The following SLC16A8 variants were observed in gnomAD, a reference collection of about 807,000 sequenced individuals.
The protein encoded by SLC16A8 is monocarboxylate transporter 3.
In SLC16A8, 20 loss-of-function variants were observed where a neutral mutation model predicts 22.4. The observed-to-expected ratio is 0.89, with a 90% CI of 0.63 to 1.30. SLC16A8 has a LOEUF of 1.30. Among genes scored for constraint, SLC16A8 ranks in the 50% most tolerant of loss-of-function variants. The pLI is 0.00. For missense variants in SLC16A8, 817 were observed against 740.3 expected (o/e 1.10, Z -1.20); for synonymous variants, 393 against 358.8 (o/e 1.10, Z -1.08).
Position 38,082,064 on chromosome 22 carries a change from C to T in SLC16A8, c.215-32G>A, listed in dbSNP as rs200222945. ...GCAGGGCAGGGTCACCACCCGGGTCCCGGGATGGCTTGAGTCCTCTAAGGA... is the reference window on the plus strand; with the variant it reads ...GCAGGGCAGGGTCACCACCCGGGTCTCGGGATGGCTTGAGTCCTCTAAGGA... On this transcript the variant is annotated intron_variant, in intron 3 of 5. Transcript: ENST00000681075. 82 of 1,552,502 alleles carry T rather than the reference C, an allele frequency of 5.3e-5. No homozygotes were observed. The African/African-American group carries it at 8.2e-4, about 15-fold the overall frequency.
Position 38,081,269 on chromosome 22 carries a change from C to G in SLC16A8, c.769G>C (p.Ala257Pro). The G allele has an allele frequency of 6.3e-7, 1 of 1,582,068 alleles. No individual in the cohort carries two copies. The highest frequency in any genetic ancestry group is 1.1e-5 in the South Asian group (1 of 87,052). Residue 257 changes from alanine (A) to proline (P), a missense_variant, in exon 5 of 6, where the codon GCC (alanine) becomes CCC (proline). Coordinates refer to ENST00000681075, the MANE Select transcript of SLC16A8 (RefSeq NM_013356.3). ...AGCGCCATCAGGAACTTGGTGACGG[C>G]GTACACGGCGAAGGCGCGGTCGGTG... ...VCTDRAFAVY[A>P]VTKFLMALGL...
chr22:38,080,942 C>G lies in SLC16A8; in HGVS notation c.1096G>C (p.Glu366Gln). ...SYGMVGALQF[E>Q]VLMAAVGAPR... ...GCGCCCACAGCCGCCATGAGCACCTCGAACTGCAGCGCGCCCACCATGCCG... is the reference window on the plus strand; with the variant it reads ...GCGCCCACAGCCGCCATGAGCACCTGGAACTGCAGCGCGCCCACCATGCCG... The change falls in exon 5 of 6, where the codon GAG becomes CAG. Residue 366 changes from glutamate (E) to glutamine (Q), a missense_variant. Coordinates refer to ENST00000681075, the MANE Select transcript of SLC16A8 (RefSeq NM_013356.3). 6.3e-7 allele frequency: 1 copy of G among 1,586,818 alleles called. No homozygotes were observed. The highest frequency in any genetic ancestry group is 8.5e-7 in the Non-Finnish European group (1 of 1,172,486).
chr22:38,081,466 C>A lies in SLC16A8; in HGVS notation c.572G>T (p.Gly191Val). The change falls in exon 5 of 6, where the codon GGG becomes GTG. Residue 191 changes from glycine to valine, a missense_variant. By Grantham distance (109) the Gly-to-Val change is moderately radical. Coordinates refer to ENST00000681075, the MANE Select transcript of SLC16A8 (RefSeq NM_013356.3). The stretch of plus-strand genomic sequence containing the variant: ...CCCGGGCGGCGGCCTCATGACAGCC[C>A]CGCAGGCGCAGCAGTGCAGCAGGAG... ...GGLLLHCCAC[G>V]AVMRPPPGPG... The A allele has an allele frequency of 7.5e-7, 1 of 1,332,110 alleles. No homozygotes were observed. Among genetic ancestry groups the A allele is most frequent in the South Asian group, 2.0e-5 (1 of 48,792 alleles). The allele number at this position is 1,332,110 out of a possible 1,614,324, so 82.5% of individuals were successfully genotyped here.
intron 5 of SLC16A8, 27 bp from the exon 6 acceptor site, chr22:38,078,731 G>C (rs746168595): frequency 5.7e-6 from 9 of 1,591,642 alleles, no homozygotes; most frequent in Non-Finnish European, 6.9e-6. Flanking sequence ...AGAGGAGGGA[G>C]AGGTAAGGTC....
rs1442767675 is a variant in SLC16A8, at chr22:38,081,881, G to A, written c.358+8C>T. 1 of 1,592,522 alleles carries A rather than the reference G, an allele frequency of 6.3e-7. No individual in the cohort carries two copies. The highest frequency in any genetic ancestry group is 8.5e-7 in the Non-Finnish European group (1 of 1,169,998). Reference sequence around the variant, plus strand: ...AACCCAGCGGAGAGGAGACCAGGGGGCCCTCACCTGTGAGCACCCCAGCGG... The same window carrying A: ...AACCCAGCGGAGAGGAGACCAGGGGACCCTCACCTGTGAGCACCCCAGCGG... On this transcript the variant is annotated splice_region_variant and intron_variant, in intron 4 of 5. Coordinates refer to ENST00000681075, the MANE Select transcript of SLC16A8 (RefSeq NM_013356.3).
chr22:38,082,854 C>CGG lies in SLC16A8; in HGVS notation c.18_19dup (p.Arg7ProfsTer34). On this transcript the variant is annotated frameshift_variant, in exon 3 of 6. Transcript: ENST00000681075. LOFTEE classifies it high-confidence loss of function. ...GCCGTCTGGGGGGCCCTCGCCCCGCCGGGGGCCGCCAGCGCCCATCGCTGC... is the reference window on the plus strand; with the variant it reads ...GCCGTCTGGGGGGCCCTCGCCCCGCCGGGGGGGCCGCCAGCGCCCATCGCTGC... The CGG allele has an allele frequency of 1.3e-6, 2 of 1,551,404 alleles. No homozygotes were observed. The highest frequency in any genetic ancestry group is 8.7e-7 in the Non-Finnish European group (1 of 1,153,190).
intron 5 of SLC16A8, 22 bp downstream of exon 5, chr22:38,080,818 C>G (rs1194508857): frequency 6.8e-7 from 1 of 1,469,350 alleles, no homozygotes; most frequent in Admixed American, 2.5e-5. Flanking sequence ...GGCTCGCCAC[C>G]CCCTCTTCCT....
chr22:38,078,743 T>C (rs919511239), intron 5 of SLC16A8, 39 bp from the exon 6 acceptor site: 5 of 1,563,672 alleles, frequency 3.2e-6, no homozygotes, highest in African/African-American at 1.3e-5. Flanking sequence ...GGTAAGGTCC[T>C]GTGGGGTCCT....
chr22:38,081,938 G>C lies in SLC16A8; in HGVS notation c.309C>G (p.Ser103=). ...LLASAGMILA[S]FATRLLELYL... ...AGAGCTCCAGGAGGCGCGTGGCAAA[G>C]GAAGCTAGGATCATGCCCGCGGAAG... is the stretch of plus-strand genomic sequence containing the variant. The change falls in exon 4 of 6, where the codon TCC becomes TCG. Residue 103 remains serine (S), a synonymous_variant. Transcript: ENST00000681075. 4 of 1,573,614 alleles carry C rather than the reference G, an allele frequency of 2.5e-6. No homozygotes were observed. The highest frequency in any genetic ancestry group is 3.4e-6 in the Non-Finnish European group (4 of 1,159,622).
chr22:38,082,632 AGGCGGAGGGCCG>A lies in SLC16A8; in HGVS notation c.214+16_214+27del. The stretch of plus-strand genomic sequence containing the variant: ...GTTCCGGATCCCAGGGGTCCCGGGG[AGGCGGAGGGCCG>A]GGCGGGGACACTGACCCGTGCCGTA... On this transcript the variant is annotated intron_variant, in intron 3 of 5. Transcript: ENST00000681075. 6.6e-7 allele frequency: 1 copy of A among 1,519,508 alleles called. No homozygotes were observed. Among genetic ancestry groups the A allele is most frequent in the Non-Finnish European group, 8.9e-7 (1 of 1,128,720 alleles). The allele number at this position is 1,519,508 out of a possible 1,614,324, so 94.1% of individuals were successfully genotyped here. A position where few individuals can be genotyped will look rare whatever the true frequency, so the allele number is the denominator to read the frequency against.
rs779137755 is a variant in SLC16A8 at position 38,078,708 on chromosome 22, G to A, written c.1199-4C>T. ...TTCAACACATCCACCAGGCGGCCTG[G>A]GGAGGAGGAGGAAGAGGAGGGAGAG... On this transcript the variant is annotated splice_polypyrimidine_tract_variant and splice_region_variant and intron_variant, in intron 5 of 5. Transcript: ENST00000681075. 6.3e-7 allele frequency: 1 copy of A among 1,599,960 alleles called. No homozygotes were observed. Among genetic ancestry groups the A allele is most frequent in the South Asian group, 1.1e-5 (1 of 90,756 alleles).
At position 38,081,498 on chromosome 22, in the gene SLC16A8, G is replaced by A. The variant is rs896195891; in HGVS notation, c.540C>T (p.Leu180=). The A allele has an allele frequency of 4.3e-6, 6 of 1,406,262 alleles. No individual in the cohort carries two copies. The highest frequency in any genetic ancestry group is 1.5e-5 in the African/African-American group (1 of 65,760). 87.1% of individuals were successfully genotyped at this position (1,406,262 alleles called of 1,614,324 possible). Residue 180 remains leucine, a synonymous_variant, in exon 5 of 6, where the codon CTC becomes CTT. Coordinates refer to ENST00000681075, the MANE Select transcript of SLC16A8 (RefSeq NM_013356.3). ...RFGWRGGFLL[L]GGLLLHCCAC... The stretch of plus-strand genomic sequence containing the variant: ...CGCAGCAGTGCAGCAGGAGCCCGCC[G>A]AGCAGCAGGAAGCCGCCGCGCCAGC...
At chr22:38,082,907 G>T in intron 2 of SLC16A8, 26 bp from the exon 3 acceptor site, 1 of 1,302,776 alleles carries the variant, frequency 7.7e-7, no homozygotes, top group Non-Finnish European at 1.1e-6. Context: ...GGGGACAAGA[G>T]GGAGGGGCTG....
intron 1 of SLC16A8, among the ~76,000 whole-genome samples, chr22:38,083,737 A>C (rs2085956670): frequency 8.6e-6 from 1 of 115,732 alleles, no homozygotes; most frequent in East Asian, 2.2e-4. Flanking sequence ...CCCCCATAAC[A>C]GATGAGGAGG....
rs376564810 is a variant in SLC16A8, at chr22:38,082,779, G to A, written c.95C>T (p.Ala32Val). 1.9e-6 allele frequency: 3 copies of A among 1,596,326 alleles called. No individual in the cohort carries two copies. Among genetic ancestry groups the A allele is most frequent in the African/African-American group, 2.7e-5 (2 of 74,820 alleles). ...LGACFVVTGF[A>V]YGFPKAVSVF... ...GCTCACGGCTTTGGGGAAGCCGTAGGCGAAGCCGGTGACCACAAAGCAGGC... is the reference window on the plus strand; with the variant it reads ...GCTCACGGCTTTGGGGAAGCCGTAGACGAAGCCGGTGACCACAAAGCAGGC... Residue 32 changes from alanine to valine, a missense_variant, in exon 3 of 6, where the codon GCC becomes GTC. Coordinates refer to ENST00000681075, the MANE Select transcript of SLC16A8 (RefSeq NM_013356.3).
chr22:38,078,442 C>T lies in SLC16A8; in HGVS notation c.1461G>A (p.Glu487=). The T allele has an allele frequency of 1.2e-6, 2 of 1,611,880 alleles. No individual in the cohort carries two copies. The highest frequency in any genetic ancestry group is 2.2e-5 in the South Asian group (2 of 91,072). ...TCGCCTCTATTTCTGGTTCTGTGGG[C>T]TCGCCCCGGGCGCTGAGCACCTCCA... ...EALEVLSARG[E]PTEPEIEARP... The change falls in exon 6 of 6, where the codon GAG becomes GAA. Residue 487 remains glutamate, a synonymous_variant. Transcript: ENST00000681075.
intron 1 of SLC16A8, among the ~76,000 whole-genome samples, 179 bp from the exon 2 acceptor site, chr22:38,083,540 G>A (rs2085953775): frequency 6.6e-6 from 1 of 152,148 alleles, no homozygotes; most frequent in South Asian, 2.1e-4. Flanking sequence ...TCACCCCGAG[G>A]CCAGCTGGGA....
intron 4 of SLC16A8, 58 bp downstream of exon 4, chr22:38,081,831 C>CT (rs1160255537): frequency 6.5e-7 from 1 of 1,538,792 alleles, no homozygotes; most frequent in African/African-American, 1.4e-5. Flanking sequence ...GAGGACAGAT[C>CT]TTGCAGCAAG....
In SLC16A8 at chr22:38,081,464, C is replaced by A; in HGVS notation, c.574G>T (p.Ala192Ser). The A allele has an allele frequency of 7.5e-7, 1 of 1,329,934 alleles. No homozygotes were observed. The highest frequency in any genetic ancestry group is 2.8e-4 in the Middle Eastern group (1 of 3,524). The allele number at this position is 1,329,934 out of a possible 1,614,324, so 82.4% of individuals were successfully genotyped here. ...GGCCCGGGCGGCGGCCTCATGACAG[C>A]CCCGCAGGCGCAGCAGTGCAGCAGG... The part of the protein sequence containing the change: ...GLLLHCCACG[A>S]VMRPPPGPGP... The change falls in exon 5 of 6, where the codon GCT becomes TCT. Residue 192 changes from alanine (A) to serine (S), a missense_variant. By Grantham distance (99) the Ala-to-Ser change is moderately conservative. Transcript: ENST00000681075.
Sources: allele counts gnomAD v4.1 joint callset (sites outside exome capture counted in the v4.1 genomes callset), GRCh38; gene constraint gnomAD v4.1.1; transcripts MANE v1.5; gene names NCBI Gene and HGNC (gene_info 2026-07-23, HGNC 2026-07-21).